MEOX2: variants seen among roughly 807,000 people sequenced by gnomAD.
The protein encoded by MEOX2 is mesenchyme homeobox 2.
MEOX2 carries 11 observed loss-of-function variants against 27.0 expected under a neutral mutation model. That is an observed-to-expected ratio of 0.41 (90% CI 0.26 to 0.68). The LOEUF is 0.68. MEOX2 is among the 30% of genes least tolerant of loss of function. MEOX2 has a pLI of 0.33. For missense variants in MEOX2, 436 were observed against 385.4 expected (o/e 1.13, Z -1.10); for synonymous variants, 189 against 155.4 (o/e 1.22, Z -1.61).
chr7:15,642,053 A>G (rs1435571853), intron 1 of MEOX2, among the ~76,000 whole-genome samples: 2 of 152,072 alleles, frequency 1.3e-5, no homozygotes, highest in South Asian at 2.1e-4. Flanking sequence ...TTTTTCCTTC[A>G]TGTTGACATT....
chr7:15,620,333 A>G (rs1186801991), intron 2 of MEOX2, among the ~76,000 whole-genome samples: 1 of 152,222 alleles, frequency 6.6e-6, no homozygotes, highest in Admixed American at 6.5e-5. Context: ...AAGTCAACTC[A>G]TGGAGACATA....
At chr7:15,623,265 G>A (rs567778749) in intron 2 of MEOX2, among the ~76,000 whole-genome samples, 1 of 152,262 alleles carries the variant, frequency 6.6e-6, no homozygotes, top group East Asian at 1.9e-4. Flanking sequence ...TTCAAGAATA[G>A]CAAAGTTGAC....
chr7:15,682,580 T>C (rs961667328), intron 1 of MEOX2, among the ~76,000 whole-genome samples: 2 of 151,910 alleles, frequency 1.3e-5, no homozygotes, highest in Non-Finnish European at 3.0e-5. Context: ...AAAATATGTA[T>C]CATAAATTTG....
chr7:15,619,333 T>C (rs1450078865), intron 2 of MEOX2, among the ~76,000 whole-genome samples: 1 of 152,024 alleles, frequency 6.6e-6, no homozygotes, highest in African/African-American at 2.4e-5. Context: ...TCTTTAGCAG[T>C]ACACTCTAAG....
At position 15,636,579 on chromosome 7, in the gene MEOX2, T is replaced by G. The variant is rs147659900; in HGVS notation, c.518-9661A>C. Among the ~76,000 whole-genome samples, 850 of 152,126 alleles carry G rather than the reference T, an allele frequency of 5.6e-3. 11 individuals carry two copies. The highest frequency in any genetic ancestry group is 0.019 in the African/African-American group (796 of 41,518). ...GCATTATAATCAAATTGTGATTGTT[T>G]TTTGCAAAGATTTTCCCAATTAGAG... On this transcript the variant is annotated intron_variant, in intron 1 of 2. Coordinates refer to ENST00000262041, the MANE Select transcript of MEOX2 (RefSeq NM_005924.5).
rs1380346245 is a variant in MEOX2 at position 15,686,404 on chromosome 7, G to A, written c.-2C>T. ...GCAGCCAAAGAGCGGGTGTTCCATAGCATGCAAGTTTCGGGTTCCAGGCAG... is the reference window on the plus strand; with the variant it reads ...GCAGCCAAAGAGCGGGTGTTCCATAACATGCAAGTTTCGGGTTCCAGGCAG... On this transcript the variant is annotated 5_prime_UTR_variant, in exon 1 of 3. Coordinates refer to ENST00000262041, the MANE Select transcript of MEOX2 (RefSeq NM_005924.5). 1.9e-6 allele frequency: 3 copies of A among 1,564,056 alleles called. No homozygotes were observed. Among genetic ancestry groups the A allele is most frequent in the Admixed American group, 3.8e-5 (2 of 52,404 alleles).
At chr7:15,646,056 T>C (rs1781643159) in intron 1 of MEOX2, among the ~76,000 whole-genome samples, 1 of 152,126 alleles carries the variant, frequency 6.6e-6, no homozygotes, top group South Asian at 2.1e-4. Context: ...TGCTAATTAC[T>C]CTGCATTAAA....
chr7:15,645,183 A>G (rs1233681913), intron 1 of MEOX2, among the ~76,000 whole-genome samples: 3 of 152,244 alleles, frequency 2.0e-5, no homozygotes, highest in Non-Finnish European at 4.4e-5. Context: ...CTGATTCATT[A>G]ATAACCTTTC....
At chr7:15,663,956 T>C (rs1662092766) in intron 1 of MEOX2, among the ~76,000 whole-genome samples, 1 of 152,226 alleles carries the variant, frequency 6.6e-6, no homozygotes, top group Non-Finnish European at 1.5e-5. Flanking sequence ...GACAGATAGA[T>C]GATAGATAAC....
intron 1 of MEOX2, among the ~76,000 whole-genome samples, chr7:15,627,754 G>T (rs1781336419): frequency 6.7e-6 from 1 of 149,856 alleles, no homozygotes; most frequent in African/African-American, 2.5e-5. Context: ...CCCCTGAAAT[G>T]TAGGTCAGAA....
intron 1 of MEOX2, among the ~76,000 whole-genome samples, chr7:15,632,009 G>A (rs1457525956): frequency 6.7e-6 from 1 of 150,212 alleles, no homozygotes; most frequent in East Asian, 2.0e-4. Flanking sequence ...ACTTAGCATG[G>A]ATATGGATTT....
Position 15,684,384 on chromosome 7 carries a change from T to C in MEOX2, c.517+1502A>G, listed in dbSNP as rs548485094. Among the ~76,000 whole-genome samples the C allele has an allele frequency of 3.3e-5, 5 of 152,334 alleles. No individual in the cohort carries two copies. The East Asian group carries it at 9.6e-4, about 29-fold the overall frequency. The stretch of plus-strand genomic sequence containing the variant: ...CTATGATTAACCTTTCAACTCACTA[T>C]CTAAAGAGAGTTTCACTTATAGTTA... On this transcript the variant is annotated intron_variant, in intron 1 of 2. Transcript: ENST00000262041.
chr7:15,686,648 G>C lies in MEOX2; in HGVS notation c.-246C>G, dbSNP rs533373919. On this transcript the variant is annotated 5_prime_UTR_variant, in exon 1 of 3. Coordinates refer to ENST00000262041, the MANE Select transcript of MEOX2 (RefSeq NM_005924.5). ...TCAGATGTCAAGAGTGGGAGAGGTTGAAGCCAAAAGAAGGTGGTCCCAGAG... is the reference window on the plus strand; with the variant it reads ...TCAGATGTCAAGAGTGGGAGAGGTTCAAGCCAAAAGAAGGTGGTCCCAGAG... The C allele has an allele frequency of 1.4e-5, 7 of 518,344 alleles. No individual in the cohort carries two copies. The East Asian group carries it at 2.1e-4, about 16-fold the overall frequency. 32.1% of individuals were successfully genotyped at this position (518,344 alleles called of 1,614,324 possible).
At chr7:15,677,735 G>A (rs1356574861) in intron 1 of MEOX2, 1 of 152,126 alleles carries the variant, frequency 6.6e-6, no homozygotes, top group African/African-American at 2.4e-5. Flanking sequence ...ATCATTTCCT[G>A]TGGTTTCCCT....
At chr7:15,644,147 G>A (rs1781606316) in intron 1 of MEOX2, among the ~76,000 whole-genome samples, 2 of 152,158 alleles carry the variant, frequency 1.3e-5, no homozygotes, top group African/African-American at 2.4e-5. Context: ...CAGCTGTTCA[G>A]TGCAGGATGA....
At chr7:15,630,446 T>C (rs1224037425) in intron 1 of MEOX2, among the ~76,000 whole-genome samples, 2 of 152,132 alleles carry the variant, frequency 1.3e-5, no homozygotes, top group East Asian at 1.9e-4. Flanking sequence ...AAAAGAGAAA[T>C]AAAAGTACGA....
chr7:15,623,524 C>A (rs1417282897), intron 2 of MEOX2, among the ~76,000 whole-genome samples: 1 of 152,100 alleles, frequency 6.6e-6, no homozygotes, highest in Non-Finnish European at 1.5e-5. Context: ...TGCCTGCCAC[C>A]ACGCCTGGCT....
intron 1 of MEOX2, among the ~76,000 whole-genome samples, chr7:15,659,238 T>G (rs1781870660): frequency 6.6e-6 from 1 of 152,178 alleles, no homozygotes; most frequent in African/African-American, 2.4e-5. Flanking sequence ...TATAACTTAT[T>G]TATAAACTAG....
chr7:15,644,311 T>C lies in MEOX2; in HGVS notation c.518-17393A>G, dbSNP rs144274963. ...CAAAGGTCTGTAGGGGTTGTGGAAA[T>C]TCCTGTTCCTGTAGCTAGGATCTCA... On this transcript the variant is annotated intron_variant, in intron 1 of 2. Coordinates refer to ENST00000262041, the MANE Select transcript of MEOX2 (RefSeq NM_005924.5). Among the ~76,000 whole-genome samples, 897 of 152,298 alleles carry C rather than the reference T, an allele frequency of 5.9e-3. 3 individuals are homozygous for C. The highest frequency in any genetic ancestry group is 9.0e-3 in the Non-Finnish European group (615 of 68,024).
Sources: allele counts gnomAD v4.1 joint callset (sites outside exome capture counted in the v4.1 genomes callset), GRCh38; gene constraint gnomAD v4.1.1; transcripts MANE v1.5; gene names NCBI Gene and HGNC (gene_info 2026-07-23, HGNC 2026-07-21).